KATNBL1: variants seen among roughly 807,000 people sequenced by gnomAD.
The protein encoded by KATNBL1 is KATNB1-like protein 1.
KATNBL1 carries 28 observed loss-of-function variants against 44.7 expected under a neutral mutation model. The ratio of observed to expected loss-of-function variants is 0.63; its 90% CI spans 0.46 to 0.86. The LOEUF is 0.86. KATNBL1 is among the 40% of genes least tolerant of loss of function. KATNBL1 has a pLI of 0.00. For synonymous variants in KATNBL1, 78 were observed against 114.9 expected (o/e 0.68, Z 2.06); for missense variants, 272 against 350.7 (o/e 0.78, Z 1.79).
chr15:34,178,973 AAAG>A (rs1438652145), intron 1 of KATNBL1, among the ~76,000 whole-genome samples: 19 of 152,192 alleles, frequency 1.2e-4, no homozygotes, highest in South Asian at 2.1e-4. Flanking sequence ...CAGGTTAAAA[AAAG>A]AAGGTGATAA....
At chr15:34,167,852 A>T (rs1779177401) in intron 1 of KATNBL1, among the ~76,000 whole-genome samples, 3 of 152,224 alleles carry the variant, frequency 2.0e-5, no homozygotes, top group Admixed American at 2.0e-4. Flanking sequence ...TTCATAAGTG[A>T]AGGAGAAATA....
chr15:34,173,844 G>A (rs1889246170), intron 1 of KATNBL1, among the ~76,000 whole-genome samples: 1 of 152,134 alleles, frequency 6.6e-6, no homozygotes, highest in African/African-American at 2.4e-5. Context: ...CCTATGTTCA[G>A]TAAAAATATC....
At chr15:34,147,456 GC>G (rs756890707) in intron 5 of KATNBL1, 26 bp from the exon 6 acceptor site, 1 of 1,559,742 alleles carries the variant, frequency 6.4e-7, no homozygotes, top group Non-Finnish European at 8.8e-7. Context: ...GAATAGCATT[GC>G]CTTAGAGAGC....
chr15:34,188,136 G>GCAAAAAAAAAAAAAAAAAAAAAAAAA (rs1394136257), intron 1 of KATNBL1, among the ~76,000 whole-genome samples: 3 of 6,578 alleles, frequency 4.6e-4, no homozygotes, highest in Non-Finnish European at 1.3e-3. Flanking sequence ...AAGACGCCAT[G>GCAAAAAAAAAAAAAAAAAAAAAAAAA]TAAAAAAAAA....
intron 1 of KATNBL1, among the ~76,000 whole-genome samples, chr15:34,167,601 CA>C (rs1329223792): frequency 6.6e-6 from 1 of 152,130 alleles, no homozygotes; most frequent in African/African-American, 2.4e-5. Flanking sequence ...GAGAACACCA[CA>C]AAGATACTCC....
intron 4 of KATNBL1, among the ~76,000 whole-genome samples, chr15:34,150,550 C>T (rs897809202): frequency 9.2e-5 from 14 of 152,198 alleles, no homozygotes; most frequent in Non-Finnish European, 1.8e-4. Flanking sequence ...GCCAAGATTG[C>T]ACCACTGCAC....
At chr15:34,200,424 T>TG (rs1890150456) in intron 1 of KATNBL1, among the ~76,000 whole-genome samples, 1 of 110,896 alleles carries the variant, frequency 9.0e-6, no homozygotes, top group Admixed American at 8.2e-5. Flanking sequence ...AGCTAATTGT[T>TG]TTTTTTTTTT....
At chr15:34,143,966 C>CAAAAAAAA (rs61591705) in intron 9 of KATNBL1, among the ~76,000 whole-genome samples, 3 of 66,412 alleles carry the variant, frequency 4.5e-5, no homozygotes, top group African/African-American at 1.4e-4. Context: ...GATTCCATCT[C>CAAAAAAAA]AAAAAAAAAA....
At chr15:34,188,859 G>A (rs982599289) in intron 1 of KATNBL1, among the ~76,000 whole-genome samples, 1 of 152,164 alleles carries the variant, frequency 6.6e-6, no homozygotes, top group Non-Finnish European at 1.5e-5. Context: ...CTGACTGTCA[G>A]CTGCTTTTTG....
At chr15:34,147,075 C>T (rs1888331027) in intron 7 of KATNBL1, 125 bp downstream of exon 7, 1 of 660,020 alleles carries the variant, frequency 1.5e-6, no homozygotes, top group East Asian at 2.7e-5. Context: ...CCTAATTGTA[C>T]TATTAGCTTC....
chr15:34,162,669 GTA>G (rs773224539), intron 2 of KATNBL1, among the ~76,000 whole-genome samples: 5 of 152,162 alleles, frequency 3.3e-5, no homozygotes, highest in Admixed American at 6.5e-5. Flanking sequence ...AAGTGCAGTG[GTA>G]TGAACACAGC....
intron 2 of KATNBL1, among the ~76,000 whole-genome samples, chr15:34,159,252 GCT>G (rs1888726810): frequency 2.0e-5 from 3 of 152,166 alleles, no homozygotes; most frequent in Admixed American, 2.0e-4. Context: ...AAGGCTATGG[GCT>G]GCCGGTGGCC....
intron 1 of KATNBL1, among the ~76,000 whole-genome samples, chr15:34,195,069 A>G (rs1365715856): frequency 9.2e-5 from 14 of 152,248 alleles, no homozygotes; most frequent in Admixed American, 3.3e-4. Context: ...CGGAACCACT[A>G]TATGATCCAG....
chr15:34,143,897 G>A (rs1025955153), intron 9 of KATNBL1, among the ~76,000 whole-genome samples: 3 of 145,878 alleles, frequency 2.1e-5, no homozygotes, highest in African/African-American at 7.6e-5. Flanking sequence ...AACCTGGGAG[G>A]TGGAGCTTGT....
chr15:34,191,154 CATATATATATATATATATAT>C (rs57428240), intron 1 of KATNBL1, among the ~76,000 whole-genome samples: 5 of 136,126 alleles, frequency 3.7e-5, no homozygotes, highest in African/African-American at 7.9e-5. Flanking sequence ...AATCATAGAC[CATATATATATATATATATAT>C]ATATATATAT....
intron 2 of KATNBL1, among the ~76,000 whole-genome samples, chr15:34,160,166 G>A (rs140228254): frequency 5.9e-5 from 9 of 152,056 alleles, no homozygotes; most frequent in East Asian, 1.9e-4. Context: ...TGAAACATTC[G>A]TTCTGTCCTT....
intron 1 of KATNBL1, among the ~76,000 whole-genome samples, chr15:34,186,026 C>T (rs1241733900): frequency 6.6e-6 from 1 of 152,160 alleles, no homozygotes; most frequent in Non-Finnish European, 1.5e-5. Flanking sequence ...GGGTCAATTT[C>T]TATGTTTATT....
intron 1 of KATNBL1, among the ~76,000 whole-genome samples, chr15:34,172,825 G>A (rs1567527975): frequency 6.6e-6 from 1 of 151,262 alleles, no homozygotes; most frequent in Non-Finnish European, 1.5e-5. Context: ...AACATCAATG[G>A]TGGTCTGTTT....
At chr15:34,175,641 G>A (rs192178206) in intron 1 of KATNBL1, among the ~76,000 whole-genome samples, 15 of 152,210 alleles carry the variant, frequency 9.9e-5, no homozygotes, top group Non-Finnish European at 1.6e-4. Flanking sequence ...ATAAAACTTC[G>A]TAACCATTAG....
Sources: gnomAD v4.1 joint callset for allele counts (sites outside exome capture counted in the v4.1 genomes callset) on GRCh38, gnomAD v4.1.1 for gene constraint, MANE v1.5 for transcripts, NCBI Gene and HGNC (gene_info 2026-07-23, HGNC 2026-07-21) for gene names.